C8orf34: variants seen among roughly 807,000 people sequenced by gnomAD.
The protein encoded by C8orf34 is uncharacterized protein C8orf34.
A neutral mutation model predicts 68.3 loss-of-function variants in C8orf34; 65 were observed. That is an observed-to-expected ratio of 0.95 (90% CI 0.78 to 1.17). The LOEUF is 1.17. Ranked by LOEUF, C8orf34 falls within the 50% of genes most tolerant of loss-of-function variation. C8orf34 has a pLI of 0.00. For synonymous variants in C8orf34, 244 were observed against 241.2 expected (o/e 1.01, Z -0.11); for missense variants, 664 against 655.4 (o/e 1.01, Z -0.14).
chr8:68,726,382 G>A (rs527510390), intron 10 of C8orf34, among the ~76,000 whole-genome samples: 5 of 152,160 alleles, frequency 3.3e-5, no homozygotes, highest in African/African-American at 1.2e-4. Context: ...TGAGAAACCA[G>A]AGCAGTATGG....
chr8:68,674,595 A>G (rs763498488), intron 8 of C8orf34, among the ~76,000 whole-genome samples: 24 of 152,082 alleles, frequency 1.6e-4, no homozygotes, highest in Non-Finnish European at 2.6e-4. Context: ...ATTTGAAAAT[A>G]CGCGGTCAGA....
intron 7 of C8orf34, among the ~76,000 whole-genome samples, chr8:68,632,906 T>C (rs909674948): frequency 6.6e-6 from 1 of 152,132 alleles, no homozygotes; most frequent in Non-Finnish European, 1.5e-5. Context: ...TGTCTGAATG[T>C]CCAAGCAGAA....
intron 7 of C8orf34, among the ~76,000 whole-genome samples, chr8:68,629,167 C>T (rs1470643285): frequency 1.3e-5 from 2 of 152,020 alleles, no homozygotes; most frequent in African/African-American, 4.8e-5. Context: ...ATAATTATAC[C>T]AGGTTTTCTC....
chr8:68,548,125 G>A (rs1178831182), intron 7 of C8orf34, among the ~76,000 whole-genome samples: 3 of 151,526 alleles, frequency 2.0e-5, no homozygotes, highest in African/African-American at 4.8e-5. Flanking sequence ...CAAAACATTG[G>A]CCTGGCAAAA....
chr8:68,573,805 T>C (rs985749665), intron 7 of C8orf34, among the ~76,000 whole-genome samples: 2 of 152,140 alleles, frequency 1.3e-5, no homozygotes, highest in African/African-American at 4.8e-5. Flanking sequence ...TAGTGTTGCA[T>C]TTAGCTTTTT....
At chr8:68,662,777 T>A (rs1277985691) in intron 8 of C8orf34, among the ~76,000 whole-genome samples, 3 of 152,182 alleles carry the variant, frequency 2.0e-5, no homozygotes, top group Non-Finnish European at 4.4e-5. Context: ...TTTTTCACTT[T>A]TGGGTAGAAA....
At chr8:68,755,525 A>G (rs1012829373) in intron 10 of C8orf34, among the ~76,000 whole-genome samples, 4 of 152,218 alleles carry the variant, frequency 2.6e-5, no homozygotes, top group African/African-American at 9.6e-5. Context: ...TTACAGTTGT[A>G]GAAACTGCTG....
chr8:68,509,844 G>T (rs1047047154), intron 5 of C8orf34, among the ~76,000 whole-genome samples: 2 of 152,132 alleles, frequency 1.3e-5, no homozygotes, highest in Non-Finnish European at 1.5e-5. Context: ...GCTGTCATGG[G>T]TGTCAAAGTG....
intron 9 of C8orf34, 86 bp from the exon 10 acceptor site, chr8:68,721,275 T>C (rs563448386): frequency 1.2e-6 from 1 of 834,858 alleles, no homozygotes; most frequent in African/African-American, 1.8e-5. Flanking sequence ...TCCATCATTT[T>C]ATTCTTCTCA....
intron 7 of C8orf34, among the ~76,000 whole-genome samples, chr8:68,548,763 A>T (rs1170724127): frequency 1.3e-5 from 2 of 151,878 alleles, no homozygotes; most frequent in African/African-American, 4.8e-5. Flanking sequence ...AACAGAACAC[A>T]ATACAAATGT....
chr8:68,669,646 A>G (rs1309496166), intron 8 of C8orf34, among the ~76,000 whole-genome samples: 1 of 152,214 alleles, frequency 6.6e-6, no homozygotes, highest in Non-Finnish European at 1.5e-5. Flanking sequence ...TATTTCATCC[A>G]TCTTTCTGAG....
intron 8 of C8orf34, among the ~76,000 whole-genome samples, chr8:68,661,572 G>A (rs767426742): frequency 5.3e-5 from 8 of 152,282 alleles, no homozygotes; most frequent in Admixed American, 2.6e-4. Context: ...GCAGGCTGCC[G>A]GTTGCCCCCT....
intron 10 of C8orf34, among the ~76,000 whole-genome samples, chr8:68,751,948 T>C (rs1334401355): frequency 6.6e-6 from 1 of 151,960 alleles, no homozygotes; most frequent in Non-Finnish European, 1.5e-5. Context: ...ATACCCACAG[T>C]GCATGAACTT....
intron 1 of C8orf34, among the ~76,000 whole-genome samples, chr8:68,353,607 CAT>C (rs989430236): frequency 6.3e-5 from 9 of 143,128 alleles, no homozygotes; most frequent in Admixed American, 2.2e-4. Flanking sequence ...TATACACACA[CAT>C]ATATATATAC....
intron 1 of C8orf34, among the ~76,000 whole-genome samples, chr8:68,354,501 C>T (rs1295884450): frequency 6.6e-6 from 1 of 151,952 alleles, no homozygotes; most frequent in Non-Finnish European, 1.5e-5. Context: ...CCCACAGCAC[C>T]CAGCTGAGAA....
At chr8:68,493,511 G>A (rs1266039992) in intron 5 of C8orf34, among the ~76,000 whole-genome samples, 4 of 152,284 alleles carry the variant, frequency 2.6e-5, no homozygotes, top group Non-Finnish European at 2.9e-5. Flanking sequence ...TGGAGAAAGT[G>A]GGACTTTGTG....
At chr8:68,599,350 G>T (rs943745426) in intron 7 of C8orf34, among the ~76,000 whole-genome samples, 3 of 151,936 alleles carry the variant, frequency 2.0e-5, no homozygotes, top group African/African-American at 7.2e-5. Context: ...AATAAAAAAT[G>T]CTAAGGAGTT....
At chr8:68,753,267 C>T (rs1027240631) in intron 10 of C8orf34, among the ~76,000 whole-genome samples, 3 of 152,118 alleles carry the variant, frequency 2.0e-5, no homozygotes, top group Non-Finnish European at 2.9e-5. Flanking sequence ...CAACTTGACC[C>T]TGCTTTTTTA....
chr8:68,331,094 G>C lies in C8orf34; in HGVS notation c.82G>C (p.Val28Leu), dbSNP rs915267822. The change falls in exon 1 of 14, where the codon GTG becomes CTG. Residue 28 changes from valine to leucine, a missense_variant. Transcript: ENST00000518698. ...GFRLSAPHARVAPRAATHARG... is the reference protein window; with the variant it reads ...GFRLSAPHARLAPRAATHARG... Reference sequence around the variant, plus strand: ...CCGGCTCTCAGCGCCCCACGCGCGCGTGGCTCCCCGGGCTGCCACCCACGC... The same window carrying C: ...CCGGCTCTCAGCGCCCCACGCGCGCCTGGCTCCCCGGGCTGCCACCCACGC... 4 of 1,489,604 alleles carry C rather than the reference G, an allele frequency of 2.7e-6. No individual in the cohort carries two copies. Among genetic ancestry groups the C allele is most frequent in the South Asian group, 2.6e-5 (2 of 77,790 alleles). The allele number at this position is 1,489,604 out of a possible 1,614,324, so 92.3% of individuals were successfully genotyped here.
Sources: gnomAD v4.1 joint callset for allele counts (sites outside exome capture counted in the v4.1 genomes callset) on GRCh38, gnomAD v4.1.1 for gene constraint, MANE v1.5 for transcripts, NCBI Gene and HGNC (gene_info 2026-07-23, HGNC 2026-07-21) for gene names.